PTPRD: variants seen among roughly 807,000 people sequenced by gnomAD.
PTPRD encodes receptor-type tyrosine-protein phosphatase delta.
Under a neutral mutation model 214.5 loss-of-function variants are expected in PTPRD, and 34 were observed. That is an observed-to-expected ratio of 0.16 (90% confidence interval 0.12 to 0.21). The LOEUF (loss-of-function observed/expected upper bound fraction) is 0.21, where lower values mean the gene tolerates loss of function less well. Ranked by LOEUF, PTPRD falls within the 10% of genes least tolerant of loss-of-function variation. PTPRD has a pLI of 1.00. For missense variants in PTPRD, 2,545 were observed against 2,398.7 expected (o/e 1.06, Z -1.27); for synonymous variants, 1,128 against 845.7 (o/e 1.33, Z -5.79).
At chr9:10,389,922 G>A (rs931222560) in intron 2 of PTPRD, among the ~76,000 whole-genome samples, 1 of 151,728 alleles carries the variant, frequency 6.6e-6, no homozygotes, top group Admixed American at 6.6e-5. Context: ...GCTGACAAGG[G>A]ATATTGTGAT....
intron 3 of PTPRD, among the ~76,000 whole-genome samples, chr9:10,192,049 A>C (rs2099365932): frequency 6.6e-6 from 1 of 152,184 alleles, no homozygotes; most frequent in Admixed American, 6.6e-5. Context: ...TGGATGAAAC[A>C]ACTAAGAGTA....
chr9:8,935,792 T>G (rs896543444), intron 11 of PTPRD, among the ~76,000 whole-genome samples: 2 of 152,190 alleles, frequency 1.3e-5, no homozygotes, highest in Non-Finnish European at 2.9e-5. Context: ...TTACTATGAG[T>G]AATTTCATTC....
intron 12 of PTPRD, among the ~76,000 whole-genome samples, chr9:8,658,583 G>A (rs560722806): frequency 2.0e-5 from 3 of 150,158 alleles, no homozygotes; most frequent in African/African-American, 7.3e-5. Context: ...TCTCTCATAC[G>A]TATCCTCAGA....
At chr9:9,740,783 A>C (rs1353177088) in intron 6 of PTPRD, among the ~76,000 whole-genome samples, 1 of 152,210 alleles carries the variant, frequency 6.6e-6, no homozygotes, top group Non-Finnish European at 1.5e-5. Context: ...ATTACATGTT[A>C]AAGTAAATTC....
chr9:10,221,948 TTAGA>T (rs750238006), intron 3 of PTPRD, among the ~76,000 whole-genome samples: 8 of 151,958 alleles, frequency 5.3e-5, no homozygotes, highest in Non-Finnish European at 1.0e-4. Context: ...ACAAACACAA[TTAGA>T]TAGGCTAACA....
At chr9:9,877,941 C>G (rs1214320449) in intron 5 of PTPRD, among the ~76,000 whole-genome samples, 1 of 143,212 alleles carries the variant, frequency 7.0e-6, no homozygotes, top group African/African-American at 2.7e-5. Context: ...CCATTGCACT[C>G]CAACCTGGGC....
At chr9:10,042,687 G>A (rs1247035245) in intron 3 of PTPRD, among the ~76,000 whole-genome samples, 1 of 151,892 alleles carries the variant, frequency 6.6e-6, no homozygotes, top group Non-Finnish European at 1.5e-5. Flanking sequence ...CACCAGATGA[G>A]GGAGATGCAA....
intron 36 of PTPRD, among the ~76,000 whole-genome samples, chr9:8,395,133 CTG>C (rs1432440187): frequency 6.6e-6 from 1 of 152,122 alleles, no homozygotes; most frequent in African/African-American, 2.4e-5. Context: ...GAAGTAAGGA[CTG>C]TGTCAAAAAG....
chr9:10,579,672 G>C (rs1448420435), intron 2 of PTPRD, among the ~76,000 whole-genome samples: 1 of 152,072 alleles, frequency 6.6e-6, no homozygotes, highest in African/African-American at 2.4e-5. Flanking sequence ...TCTAAGTTCT[G>C]TGAGAAATCT....
chr9:10,158,582 T>C (rs924415372), intron 3 of PTPRD, among the ~76,000 whole-genome samples: 10 of 152,142 alleles, frequency 6.6e-5, no homozygotes, highest in African/African-American at 2.2e-4. Flanking sequence ...GTTATTACCA[T>C]CAACATCTCA....
intron 2 of PTPRD, among the ~76,000 whole-genome samples, chr9:10,476,040 A>AC (rs1164931890): frequency 2.6e-5 from 4 of 152,166 alleles, no homozygotes; most frequent in Non-Finnish European, 4.4e-5. Context: ...TGAATGGGGA[A>AC]AAGCTGGAAG....
chr9:9,372,578 C>A (rs560997361), intron 9 of PTPRD, among the ~76,000 whole-genome samples: 34 of 152,190 alleles, frequency 2.2e-4, no homozygotes, highest in African/African-American at 6.3e-4. Context: ...ATTTGCCAGT[C>A]TGTGTCTTTT....
At chr9:8,442,503 G>A (rs1199403785) in intron 34 of PTPRD, among the ~76,000 whole-genome samples, 2 of 152,052 alleles carry the variant, frequency 1.3e-5, no homozygotes, top group Admixed American at 6.6e-5. Context: ...GTCTCTTCAT[G>A]ATTTTCCTTA....
intron 3 of PTPRD, among the ~76,000 whole-genome samples, chr9:10,139,550 A>T (rs2154265648): frequency 6.6e-6 from 1 of 152,238 alleles, no homozygotes; most frequent in East Asian, 1.9e-4. Flanking sequence ...TATGGAACCA[A>T]AATAAAAACC....
At chr9:10,289,611 G>GAAGAGA (rs1335110821) in intron 3 of PTPRD, among the ~76,000 whole-genome samples, 1 of 152,074 alleles carries the variant, frequency 6.6e-6, no homozygotes, top group Non-Finnish European at 1.5e-5. Context: ...TTAGGAAAAA[G>GAAGAGA]AAGAGAAAAA....
chr9:9,614,757 C>CA (rs980006436), intron 7 of PTPRD, among the ~76,000 whole-genome samples: 7 of 152,032 alleles, frequency 4.6e-5, no homozygotes, highest in African/African-American at 1.7e-4. Flanking sequence ...TTTTTCATAT[C>CA]AAAAAACACA....
chr9:10,395,041 C>T (rs183624211), intron 2 of PTPRD, among the ~76,000 whole-genome samples: 2 of 150,282 alleles, frequency 1.3e-5, no homozygotes, highest in African/African-American at 4.9e-5. Context: ...GCTCTCCTAC[C>T]GCTTGGTAAA....
At chr9:9,688,387 A>C (rs1325525371) in intron 7 of PTPRD, among the ~76,000 whole-genome samples, 1 of 151,868 alleles carries the variant, frequency 6.6e-6, no homozygotes, top group Non-Finnish European at 1.5e-5. Flanking sequence ...ACCTAGGAAG[A>C]CAAGAATAGA....
intron 35 of PTPRD, among the ~76,000 whole-genome samples, chr9:8,430,735 C>T (rs1201045288): frequency 1.3e-5 from 2 of 152,110 alleles, no homozygotes; most frequent in Non-Finnish European, 2.9e-5. Flanking sequence ...TATGAGACTA[C>T]CAGAACGTTC....
Sources: gnomAD v4.1 joint callset for allele counts (sites outside exome capture counted in the v4.1 genomes callset) on GRCh38, gnomAD v4.1.1 for gene constraint, MANE v1.5 for transcripts, NCBI Gene and HGNC (gene_info 2026-07-23, HGNC 2026-07-21) for gene names.